MYBL1: variants seen among roughly 807,000 people sequenced by gnomAD.
The protein encoded by MYBL1 is myb-related protein A.
Under a neutral mutation model 96.3 loss-of-function variants are expected in MYBL1, and 17 were observed. The ratio of observed to expected loss-of-function variants is 0.18; its 90% CI spans 0.12 to 0.26. The LOEUF is 0.26. Among genes scored for constraint, MYBL1 ranks in the 10% least tolerant of loss-of-function variants. The pLI, the probability that MYBL1 is intolerant of heterozygous loss-of-function variation, is 1.00. For synonymous variants in MYBL1, 282 were observed against 292.7 expected (o/e 0.96, Z 0.37); for missense variants, 701 against 882.9 (o/e 0.79, Z 2.61).
chr8:66,577,466 C>T (rs1484322165), intron 9 of MYBL1, among the ~76,000 whole-genome samples: 1 of 151,578 alleles, frequency 6.6e-6, no homozygotes, highest in Non-Finnish European at 1.5e-5. Flanking sequence ...CATGAGTGAA[C>T]TCCCATTCAC....
intron 6 of MYBL1, among the ~76,000 whole-genome samples, chr8:66,594,802 G>T (rs541428453): frequency 6.6e-6 from 1 of 152,190 alleles, no homozygotes; most frequent in East Asian, 1.9e-4. Context: ...TCCACAAAAT[G>T]TCAAAAATCA....
intron 1 of MYBL1, among the ~76,000 whole-genome samples, chr8:66,604,603 C>T (rs1810237836): frequency 6.6e-6 from 1 of 151,526 alleles, no homozygotes; most frequent in South Asian, 2.1e-4. Context: ...CATAATAGTA[C>T]TATAAGAAAA....
chr8:66,598,591 AC>A (rs1809942841), intron 4 of MYBL1, among the ~76,000 whole-genome samples: 1 of 152,074 alleles, frequency 6.6e-6, no homozygotes, highest in Non-Finnish European at 1.5e-5. Context: ...AAATCACAAA[AC>A]CTTTGGAAAC....
intron 1 of MYBL1, among the ~76,000 whole-genome samples, chr8:66,607,518 C>T (rs80093872): frequency 0.025 from 3,762 of 152,228 alleles, 163 homozygotes; most frequent in African/African-American, 0.085. Context: ...AATCTTCCAG[C>T]TTCACCAAGA....
chr8:66,597,165 C>T (rs1369464639), intron 5 of MYBL1, among the ~76,000 whole-genome samples, 165 bp downstream of exon 5: 1 of 152,054 alleles, frequency 6.6e-6, no homozygotes. Context: ...CCCTTTACCA[C>T]AGAATTTAGT....
At chr8:66,595,964 T>C (rs2129964157) in intron 5 of MYBL1, among the ~76,000 whole-genome samples, 1 of 152,266 alleles carries the variant, frequency 6.6e-6, no homozygotes, top group South Asian at 2.1e-4. Context: ...ATGTCAGGCA[T>C]AGTTCTAAGC....
chr8:66,567,405 T>G (rs2129696632), intron 12 of MYBL1, among the ~76,000 whole-genome samples: 1 of 152,300 alleles, frequency 6.6e-6, no homozygotes, highest in African/African-American at 2.4e-5. Flanking sequence ...AATTACTAGT[T>G]AACACGTTTG....
intron 8 of MYBL1, among the ~76,000 whole-genome samples, chr8:66,583,044 A>T (rs1809280888): frequency 1.3e-5 from 2 of 152,216 alleles, no homozygotes; most frequent in Admixed American, 6.5e-5. Flanking sequence ...TATCTGCAGA[A>T]TATACATTCT....
At chr8:66,612,690 G>C in intron 1 of MYBL1, 129 bp downstream of exon 1, 1 of 1,149,512 alleles carries the variant, frequency 8.7e-7, no homozygotes, top group Non-Finnish European at 1.1e-6. Flanking sequence ...AAGCGGCCGC[G>C]GGGACGCGGG....
Position 66,609,258 on chromosome 8 carries a change from C to T in MYBL1, c.20+3561G>A, listed in dbSNP as rs150769475. On this transcript the variant is annotated intron_variant, in intron 1 of 15. Transcript: ENST00000522677. Reference sequence around the variant, plus strand: ...ATTTTAGAGGATAACAATTATATCACTTAAACCAGTAAATGAGGTATTCCA... The same window carrying T: ...ATTTTAGAGGATAACAATTATATCATTTAAACCAGTAAATGAGGTATTCCA... Among the ~76,000 whole-genome samples, 32 of 152,090 alleles carry T rather than the reference C, an allele frequency of 2.1e-4. No individual in the cohort carries two copies. The East Asian group carries it at 6.2e-3, about 29-fold the overall frequency.
Position 66,584,123 on chromosome 8 carries a change from T to A in MYBL1, c.868-3757A>T, listed in dbSNP as rs1031724478. Among the ~76,000 whole-genome samples the A allele has an allele frequency of 2.0e-5, 3 of 151,912 alleles. No homozygotes were observed. In the South Asian group the frequency reaches 6.2e-4, roughly 31 times the overall value. ...ATAAATCAATAAATAAAATCAAATATCAATAGAATAAAGATTATCTCAATA... is the reference window on the plus strand; with the variant it reads ...ATAAATCAATAAATAAAATCAAATAACAATAGAATAAAGATTATCTCAATA... On this transcript the variant is annotated intron_variant, in intron 8 of 15. Transcript: ENST00000522677.
At chr8:66,600,747 G>T (rs1810035722) in intron 3 of MYBL1, among the ~76,000 whole-genome samples, 1 of 152,156 alleles carries the variant, frequency 6.6e-6, no homozygotes, top group African/African-American at 2.4e-5. Context: ...TTTGGGTTAT[G>T]TTGAAAGTCA....
rs1809154451 is a variant in MYBL1, at chr8:66,580,323, T to C, written c.911A>G (p.Asp304Gly). 2.5e-6 allele frequency: 4 copies of C among 1,612,860 alleles called. No individual in the cohort carries two copies. In the South Asian group the frequency reaches 4.4e-5, roughly 18 times the overall value. ...FSSWSGSFLMDDNMSNTLNSL... is the reference protein window; with the variant it reads ...FSSWSGSFLMGDNMSNTLNSL... ...ATTTAGAGTATTAGACATGTTATCA[T>C]CCATGAGGAAACTACCAGACCAGCT... The change falls in exon 9 of 16, where the codon GAT (aspartate) becomes GGT (glycine). Residue 304 changes from aspartate (D) to glycine (G), a missense_variant. By Grantham distance (94) the Asp-to-Gly change is moderately conservative. Transcript: ENST00000522677.
chr8:66,593,316 A>T, intron 6 of MYBL1, 122 bp from the exon 7 acceptor site: 1 of 560,252 alleles, frequency 1.8e-6, no homozygotes, highest in Admixed American at 3.3e-5. Flanking sequence ...TACCTGTATT[A>T]ATTTTGAAAT....
At chr8:66,590,084 A>C (rs1586580772) in intron 8 of MYBL1, among the ~76,000 whole-genome samples, 1 of 150,602 alleles carries the variant, frequency 6.6e-6, no homozygotes, top group East Asian at 1.9e-4. Flanking sequence ...AAAAAATCCC[A>C]AAAAAACAAA....
chr8:66,566,560 T>C (rs888188822), intron 14 of MYBL1, 124 bp downstream of exon 14: 1 of 612,104 alleles, frequency 1.6e-6, no homozygotes, highest in Non-Finnish European at 2.7e-6. Flanking sequence ...TTAGGCAAAA[T>C]GATACTAAGA....
At chr8:66,592,375 G>T in intron 8 of MYBL1, 65 bp downstream of exon 8, 1 of 1,069,290 alleles carries the variant, frequency 9.4e-7, no homozygotes, top group Non-Finnish European at 1.4e-6. Context: ...CTTTCTAGCT[G>T]ATAAAAATGA....
chr8:66,612,988 C>A lies in MYBL1; in HGVS notation c.-150G>T, dbSNP rs1256306758. 4.5e-6 allele frequency: 4 copies of A among 890,578 alleles called. No homozygotes were observed. Among genetic ancestry groups the A allele is most frequent in the Non-Finnish European group, 4.6e-6 (3 of 656,442 alleles). The allele number at this position is 890,578 out of a possible 1,614,324, so 55.2% of individuals were successfully genotyped here. ...TGCGGAACGCACGTCCTCGACAGGG[C>A]AGGACGGAGGGACAGCGGGGGCGGA... On this transcript the variant is annotated 5_prime_UTR_variant, in exon 1 of 16. Coordinates refer to ENST00000522677, the MANE Select transcript of MYBL1 (RefSeq NM_001080416.4).
chr8:66,579,979 AC>A (rs11323766), intron 9 of MYBL1, among the ~76,000 whole-genome samples, 153 bp downstream of exon 9: 3,758 of 152,240 alleles, frequency 0.025, 161 homozygotes, highest in African/African-American at 0.084. Flanking sequence ...AAAAATTTAA[AC>A]TTTTTTCCCC....
Sources: gnomAD v4.1 joint callset for allele counts (sites outside exome capture counted in the v4.1 genomes callset) on GRCh38, gnomAD v4.1.1 for gene constraint, MANE v1.5 for transcripts, NCBI Gene and HGNC (gene_info 2026-07-23, HGNC 2026-07-21) for gene names.